Variants in ACAP3 observed in about 807,000 individuals in gnomAD.
The protein encoded by ACAP3 is arf-GAP with coiled-coil, ANK repeat and PH domain-containing protein 3.
ACAP3 carries 56 observed loss-of-function variants against 104.1 expected under a neutral mutation model. That is an observed-to-expected ratio of 0.54 (90% CI 0.43 to 0.67). ACAP3 has a LOEUF of 0.67. Ranked by LOEUF, ACAP3 falls within the 30% of genes least tolerant of loss-of-function variation. The probability of loss-of-function intolerance (pLI) is 0.00; values close to 1 mark genes in which losing one functional copy is unlikely to be tolerated. For missense variants in ACAP3, 1,208 were observed against 1,174.9 expected (o/e 1.03, Z -0.41); for synonymous variants, 628 against 496.2 (o/e 1.27, Z -3.53).
chr1:1,306,341 GAGA>G (rs144494080), intron 1 of ACAP3, among the ~76,000 whole-genome samples: 7,001 of 152,196 alleles, frequency 0.046, 533 homozygotes, highest in African/African-American at 0.16. Flanking sequence ...AGGGGCCAGG[GAGA>G]AGGTGGGTGC....
At chr1:1,298,330 G>A (rs371175635) in intron 12 of ACAP3, 40 bp downstream of exon 12, 42 of 1,604,802 alleles carry the variant, frequency 2.6e-5, no homozygotes, top group African/African-American at 1.2e-4. Context: ...CAGGTGGGGC[G>A]TCCAGCCATC....
chr1:1,300,743 G>T, intron 5 of ACAP3, 51 bp from the exon 6 acceptor site: 1 of 1,552,858 alleles, frequency 6.4e-7, no homozygotes, highest in South Asian at 1.2e-5. Flanking sequence ...GCACCTGCTG[G>T]ATCCTGGAGT....
intron 1 of ACAP3, 138 bp from the exon 2 acceptor site, chr1:1,304,281 T>TAGCAGGCAG: frequency 4.8e-6 from 5 of 1,037,308 alleles, no homozygotes; most frequent in Non-Finnish European, 5.6e-6. Context: ...GACGCCTGCC[T>TAGCAGGCAG]GCTACGGGGG....
intron 1 of ACAP3, chr1:1,304,505 T>C (rs1641597546): frequency 2.7e-6 from 1 of 375,408 alleles, no homozygotes; most frequent in African/African-American, 2.1e-5. Flanking sequence ...TGGACCCATC[T>C]GGAGCCCCTC....
intron 1 of ACAP3, chr1:1,305,894 C>G (rs1005670410): frequency 6.6e-6 from 1 of 152,226 alleles, no homozygotes; most frequent in African/African-American, 2.4e-5. Context: ...CAGGGTCCCC[C>G]TCTCCCGGGC....
chr1:1,295,816 T>C lies in ACAP3; in HGVS notation c.1625A>G (p.His542Arg). The change falls in exon 18 of 24, where the codon CAC (histidine) becomes CGC (arginine). Residue 542 changes from histidine to arginine, a missense_variant. Coordinates refer to ENST00000354700, the MANE Select transcript of ACAP3 (RefSeq NM_030649.3). ...RWRVQKCLRP[H>R]SSPRAPTARR... ...GGCAGTGGGAGCGCGGGGAGAGCTG[T>C]GGGGCCGCAGGCACTTCTGCACCCT... 3 of 1,610,584 alleles carry C rather than the reference T, an allele frequency of 1.9e-6. No homozygotes were observed. Among genetic ancestry groups the C allele is most frequent in the Non-Finnish European group, 2.5e-6 (3 of 1,179,884 alleles).
chr1:1,297,956 C>A (rs369841229), intron 13 of ACAP3, 23 bp from the exon 14 acceptor site: 13 of 1,610,914 alleles, frequency 8.1e-6, no homozygotes, highest in Non-Finnish European at 1.0e-5. Flanking sequence ...GAGGGGCGGG[C>A]GTCAGCTCCG....
At chr1:1,295,672 T>C (rs1641100613) in intron 18 of ACAP3, 64 bp downstream of exon 18, 6 of 1,553,472 alleles carry the variant, frequency 3.9e-6, no homozygotes, top group Non-Finnish European at 4.3e-6. Flanking sequence ...CACCAGCCCC[T>C]TGACGGAGTC....
At chr1:1,295,675 A>AC (rs1458927162) in intron 18 of ACAP3, 61 bp downstream of exon 18, 13 of 1,554,618 alleles carry the variant, frequency 8.4e-6, no homozygotes, top group Non-Finnish European at 1.1e-5. Flanking sequence ...CAGCCCCTTG[A>AC]CGGAGTCCAT....
intron 14 of ACAP3, 121 bp from the exon 15 acceptor site, chr1:1,296,754 CACACGCACGT>C (rs1178448884): frequency 2.8e-6 from 3 of 1,054,998 alleles, no homozygotes; most frequent in Middle Eastern, 3.0e-4. Context: ...CACACGCCCG[CACACGCACGT>C]ACACGCGCAC....
rs1402743085 is a variant in ACAP3 at position 1,294,082 on chromosome 1, C to T, written c.2249+8G>A. The stretch of plus-strand genomic sequence containing the variant: ...GGCACAGGGCGGGGCGTGGGTTGCG[C>T]GTCTCACCCGGTGCGGCCCAGCAGC... On this transcript the variant is annotated splice_region_variant and intron_variant, in intron 22 of 23. Coordinates refer to ENST00000354700, the MANE Select transcript of ACAP3 (RefSeq NM_030649.3). 2 of 1,559,032 alleles carry T rather than the reference C, an allele frequency of 1.3e-6. No homozygotes were observed. Among genetic ancestry groups the T allele is most frequent in the African/African-American group, 1.4e-5 (1 of 73,124 alleles).
rs1306334501 is a variant in ACAP3 at position 1,295,861 on chromosome 1, A to C, written c.1580T>G (p.Leu527Arg). 1.2e-6 allele frequency: 2 copies of C among 1,611,870 alleles called. No homozygotes were observed. ...CACCCTCCAGCGTCTTGGGGCCTCC[A>C]GGGCTGGTGCCATGGGCGCCTTCCG... ...FLRKAPMAPA[L>R]EAPRRWRVQK... Residue 527 changes from leucine to arginine, a missense_variant, in exon 18 of 24, where the codon CTG becomes CGG. Leu to Arg is a moderately radical substitution (Grantham distance 102). Transcript: ENST00000354700.
chr1:1,302,020 G>A lies in ACAP3; in HGVS notation c.306C>T (p.Ser102=), dbSNP rs748208137. Residue 102 remains serine (S), a synonymous_variant, in exon 5 of 24, where the codon TCC becomes TCT. Coordinates refer to ENST00000354700, the MANE Select transcript of ACAP3 (RefSeq NM_030649.3). ...CAAAGCTCTGGAGCTGCTGCCGCACGGACCTCTGGGCCTGGTCAAACAGGA... is the reference window on the plus strand; with the variant it reads ...CAAAGCTCTGGAGCTGCTGCCGCACAGACCTCTGGGCCTGGTCAAACAGGA... The part of the protein sequence containing the change: ...HMILFDQAQR[S]VRQQLQSFVK... The A allele has an allele frequency of 1.4e-4, 227 of 1,570,388 alleles. No individual in the cohort carries two copies. The highest frequency in any genetic ancestry group is 1.3e-4 in the Non-Finnish European group (154 of 1,155,918).
chr1:1,300,126 C>T (rs1337781163), intron 7 of ACAP3, 32 bp downstream of exon 7: 1 of 1,608,066 alleles, frequency 6.2e-7, no homozygotes, highest in African/African-American at 1.3e-5. Context: ...CAACATGCAG[C>T]CTGTGCTCAG....
At position 1,300,214 on chromosome 1, in the gene ACAP3, G is replaced by A. The variant is rs778219943; in HGVS notation, c.523-12C>T. The A allele has an allele frequency of 4.4e-6, 7 of 1,599,784 alleles. No individual in the cohort carries two copies. In the East Asian group the frequency reaches 8.9e-5, roughly 20 times the overall value. On this transcript the variant is annotated splice_polypyrimidine_tract_variant and intron_variant, in intron 6 of 23. Transcript: ENST00000354700. ...TGCAGAACATTGATCTGCCAGAGGG[G>A]GAGCCCACAGGTGAGCCCCGGAGGC...
rs147847409 is a variant in ACAP3 at position 1,300,007 on chromosome 1, T to C, written c.629A>G (p.Gln210Arg). 21 of 1,612,110 alleles carry C rather than the reference T, an allele frequency of 1.3e-5. No individual in the cohort carries two copies. Among genetic ancestry groups the C allele is most frequent in the Non-Finnish European group, 1.8e-5 (21 of 1,179,662 alleles). ...CAGCTTCTTCATGTAGGGGTCCAGC[T>C]GGTGCAGGAGGCTGTAGCCCTGCTG... ...FFQQGYSLLH[Q>R]LDPYMKKLAA... is the part of the protein sequence containing the mutation. The change falls in exon 8 of 24, where the codon CAG becomes CGG. Residue 210 changes from glutamine (Q) to arginine (R), a missense_variant. Physicochemically the swap from Gln to Arg is conservative, Grantham distance 43 (BLOSUM62 1). Transcript: ENST00000354700.
In ACAP3 at chr1:1,294,559, G is replaced by A. The variant is rs778285678; in HGVS notation, c.1982C>T (p.Ala661Val). ...GDTEAEAWGL[A>V]DVRELHPGLL... ...CCCCGGGTGCAGCTCGCGCACGTCC[G>A]CCAGGCCCCAGGCCTCGGCCTCAGT... Residue 661 changes from alanine (A) to valine (V), a missense_variant, in exon 21 of 24, where the codon GCG becomes GTG. Transcript: ENST00000354700. 1.0e-5 allele frequency: 15 copies of A among 1,502,344 alleles called. No homozygotes were observed. Among genetic ancestry groups the A allele is most frequent in the Middle Eastern group, 1.9e-4 (1 of 5,266 alleles). The allele number at this position is 1,502,344 out of a possible 1,614,324, so 93.1% of individuals were successfully genotyped here.
At chr1:1,294,996 A>C in intron 19 of ACAP3, 180 bp from the exon 20 acceptor site, 2 of 607,482 alleles carry the variant, frequency 3.3e-6, no homozygotes, top group East Asian at 2.9e-5. Flanking sequence ...AAAACCAAAT[A>C]ACAGCTCAAA....
Position 1,307,869 on chromosome 1 carries a change from GCCGCGCCGGCCCGGACCGCTCGTCCCGC to G in ACAP3, c.-82_-55del. 3.1e-6 allele frequency: 3 copies of G among 972,302 alleles called. No homozygotes were observed. Among genetic ancestry groups the G allele is most frequent in the Non-Finnish European group, 3.7e-6 (3 of 815,368 alleles). 60.2% of individuals were successfully genotyped at this position (972,302 alleles called of 1,614,324 possible). A position where few individuals can be genotyped will look rare whatever the true frequency, so the allele number is the denominator to read the frequency against. ...ACGAGGACCGCGGCGCCGAGCGGCAGCCGCGCCGGCCCGGACCGCTCGTCCCGCCCGCGCCGCCTCGGCGCCCGCCCGC... is the reference window on the plus strand; with the variant it reads ...ACGAGGACCGCGGCGCCGAGCGGCAGCCGCGCCGCCTCGGCGCCCGCCCGC... On this transcript the variant is annotated 5_prime_UTR_variant, in exon 1 of 24. Coordinates refer to ENST00000354700, the MANE Select transcript of ACAP3 (RefSeq NM_030649.3).
Sources: allele counts gnomAD v4.1 joint callset (sites outside exome capture counted in the v4.1 genomes callset), GRCh38; gene constraint gnomAD v4.1.1; transcripts MANE v1.5; gene names NCBI Gene and HGNC (gene_info 2026-07-23, HGNC 2026-07-21).